The following EXD1 variants were observed in gnomAD, a reference collection of about 807,000 sequenced individuals.
EXD1 encodes the protein piRNA biogenesis protein EXD1.
Under a neutral mutation model 49.1 loss-of-function variants are expected in EXD1, and 63 were observed. The ratio of observed to expected loss-of-function variants is 1.28; its 90% CI spans 1.05 to 1.58. The LOEUF (loss-of-function observed/expected upper bound fraction) is 1.58. Ranked by LOEUF, EXD1 falls within the 40% of genes most tolerant of loss-of-function variation. The pLI is 0.00. For missense variants in EXD1, 748 were observed against 666.0 expected (o/e 1.12, Z -1.36); for synonymous variants, 234 against 239.2 (o/e 0.98, Z 0.20).
chr15:41,209,709 C>A (rs772828932), intron 6 of EXD1, 122 bp from the exon 7 acceptor site: 4 of 795,160 alleles, frequency 5.0e-6, no homozygotes, highest in Non-Finnish European at 8.2e-6. Context: ...GTTAAACTTA[C>A]AAAATTTGAT....
At chr15:41,228,677 C>T (rs1332904104) in intron 1 of EXD1, among the ~76,000 whole-genome samples, 3 of 152,046 alleles carry the variant, frequency 2.0e-5, no homozygotes, top group Non-Finnish European at 4.4e-5. Context: ...AAAAAGAAAA[C>T]AGCCCTTAAT....
Position 41,190,070 on chromosome 15 carries a change from G to T in EXD1, c.923C>A (p.Ala308Asp), listed in dbSNP as rs760453190. 1 of 1,613,996 alleles carries T rather than the reference G, an allele frequency of 6.2e-7. No individual in the cohort carries two copies. Among genetic ancestry groups the T allele is most frequent in the Non-Finnish European group, 8.5e-7 (1 of 1,180,022 alleles). The change falls in exon 11 of 12, where the codon GCC (alanine) becomes GAC (aspartate). Residue 308 changes from alanine (A) to aspartate (D), a missense_variant. Coordinates refer to ENST00000458580, the MANE Select transcript of EXD1 (RefSeq NM_001286441.2). ...GGGTAACAGGTAGGTAGCTTCCAGG[G>T]CCAAAATTTTCAGTAAAGAGGGTGA... ...PVSPSLLKIL[A>D]LEATYLLPLR...
intron 11 of EXD1, among the ~76,000 whole-genome samples, chr15:41,185,142 A>G (rs1447913749): frequency 6.6e-6 from 1 of 152,180 alleles, no homozygotes; most frequent in African/African-American, 2.4e-5. Flanking sequence ...TATAAAGACT[A>G]TACAGGAAAA....
intron 6 of EXD1, among the ~76,000 whole-genome samples, chr15:41,212,755 G>A (rs1441387998): frequency 6.6e-6 from 1 of 152,128 alleles, no homozygotes; most frequent in East Asian, 1.9e-4. Flanking sequence ...ATATGATTTG[G>A]TGGCTGACTG....
chr15:41,230,527 A>T lies in EXD1; in HGVS notation c.-102T>A. Reference sequence around the variant, plus strand: ...TCCATCGTTAGGGCTTTTTCCTCCGAAGGAAGTTTGGGAAATCTGGATCCT... The same window carrying T: ...TCCATCGTTAGGGCTTTTTCCTCCGTAGGAAGTTTGGGAAATCTGGATCCT... On this transcript the variant is annotated 5_prime_UTR_variant, in exon 1 of 12. Transcript: ENST00000458580. The T allele has an allele frequency of 6.2e-7, 1 of 1,614,174 alleles. No individual in the cohort carries two copies. The highest frequency in any genetic ancestry group is 8.5e-7 in the Non-Finnish European group (1 of 1,180,006).
At position 41,215,843 on chromosome 15, in the gene EXD1, A is replaced by C. The variant is rs1566990921; in HGVS notation, c.389-10T>G. ...GTCACCTCCTCTTCCTCTACAAGAC[A>C]AGGATTGCATTAGATATATTTCTCT... On this transcript the variant is annotated splice_polypyrimidine_tract_variant and intron_variant, in intron 5 of 11. Transcript: ENST00000458580. The C allele has an allele frequency of 6.2e-7, 1 of 1,613,192 alleles. No homozygotes were observed. Among genetic ancestry groups the C allele is most frequent in the Non-Finnish European group, 8.5e-7 (1 of 1,179,304 alleles).
At chr15:41,186,387 A>G (rs1448505179) in intron 11 of EXD1, among the ~76,000 whole-genome samples, 2 of 146,958 alleles carry the variant, frequency 1.4e-5, no homozygotes, top group East Asian at 2.2e-4. Context: ...GAGGAGAATC[A>G]CTTGAACTCA....
intron 3 of EXD1, chr15:41,219,536 C>A: frequency 3.7e-6 from 1 of 268,480 alleles, no homozygotes; most frequent in Non-Finnish European, 7.0e-6. Context: ...TGTGAATGGA[C>A]TGTGAATTTT....
At chr15:41,224,585 T>C (rs1045819816) in intron 2 of EXD1, among the ~76,000 whole-genome samples, 1 of 151,266 alleles carries the variant, frequency 6.6e-6, no homozygotes, top group African/African-American at 2.4e-5. Context: ...CCTTCCCCCA[T>C]AAAAAAAAGA....
At chr15:41,193,894 T>C (rs916233494) in intron 9 of EXD1, among the ~76,000 whole-genome samples, 2 of 151,966 alleles carry the variant, frequency 1.3e-5, no homozygotes, top group African/African-American at 4.8e-5. Flanking sequence ...CACAGGAACC[T>C]GTATCTTACA....
chr15:41,228,833 G>C (rs192439528), intron 1 of EXD1, among the ~76,000 whole-genome samples: 1 of 151,734 alleles, frequency 6.6e-6, no homozygotes, highest in East Asian at 1.9e-4. Flanking sequence ...CCCAAGAAAG[G>C]AAAGTTTGTG....
At chr15:41,206,899 C>T (rs1316038959) in intron 7 of EXD1, among the ~76,000 whole-genome samples, 1 of 137,788 alleles carries the variant, frequency 7.3e-6, no homozygotes, top group African/African-American at 2.7e-5. Flanking sequence ...GGATTACAGG[C>T]ATGAGCCACT....
intron 7 of EXD1, 28 bp from the exon 8 acceptor site, chr15:41,196,065 C>G: frequency 6.5e-7 from 1 of 1,537,482 alleles, no homozygotes; most frequent in Non-Finnish European, 8.8e-7. Flanking sequence ...GACACACATA[C>G]CATAGGATAA....
chr15:41,221,449 T>C (rs963708329), intron 2 of EXD1, among the ~76,000 whole-genome samples: 2 of 151,970 alleles, frequency 1.3e-5, no homozygotes, highest in African/African-American at 4.8e-5. Context: ...TTTTCTTTTT[T>C]TTTTGGTAGA....
chr15:41,209,433 G>C, intron 7 of EXD1, 68 bp downstream of exon 7: 5 of 1,411,196 alleles, frequency 3.5e-6, no homozygotes, highest in Non-Finnish European at 4.9e-6. Context: ...TCAAAAAGAA[G>C]GAAAGAAAAA....
At chr15:41,189,694 T>C (rs1368970536) in intron 11 of EXD1, among the ~76,000 whole-genome samples, 1 of 151,330 alleles carries the variant, frequency 6.6e-6, no homozygotes, top group Non-Finnish European at 1.5e-5. Context: ...TAAAATAAAA[T>C]AAAATAAAAA....
chr15:41,222,111 C>T (rs1187933671), intron 2 of EXD1, among the ~76,000 whole-genome samples: 1 of 151,538 alleles, frequency 6.6e-6, no homozygotes, highest in Non-Finnish European at 1.5e-5. Context: ...GAAAAAAAAA[C>T]AAAAAAAGAA....
chr15:41,200,823 T>C (rs989189755), intron 7 of EXD1, among the ~76,000 whole-genome samples: 1 of 151,954 alleles, frequency 6.6e-6, no homozygotes, highest in Admixed American at 6.6e-5. Flanking sequence ...AGTAGAATTG[T>C]TTTGCTTCAT....
chr15:41,192,478 G>A (rs867361502), intron 9 of EXD1, among the ~76,000 whole-genome samples: 1 of 151,498 alleles, frequency 6.6e-6, no homozygotes, highest in African/African-American at 2.4e-5. Context: ...CATATTGTTA[G>A]TGCAGACAGG....
Sources: allele counts gnomAD v4.1 joint callset (sites outside exome capture counted in the v4.1 genomes callset), GRCh38; gene constraint gnomAD v4.1.1; transcripts MANE v1.5; gene names NCBI Gene and HGNC (gene_info 2026-07-23, HGNC 2026-07-21).